NFILZ: variants seen among roughly 807,000 people sequenced by gnomAD.
The protein encoded by NFILZ is NFIL3 like protein.
chr19:8,633,222 G>A (rs1475407723), intron 2 of NFILZ, among the ~76,000 whole-genome samples: 2 of 151,784 alleles, frequency 1.3e-5, no homozygotes, highest in African/African-American at 2.4e-5. Flanking sequence ...GGGTTTTACC[G>A]TGTTGGCCAG....
chr19:8,667,533 C>A (rs2043067781), intron 3 of NFILZ, among the ~76,000 whole-genome samples: 2 of 152,078 alleles, frequency 1.3e-5, no homozygotes, highest in Admixed American at 6.6e-5. Flanking sequence ...CATATCCTCC[C>A]AAATATTTAT....
chr19:8,664,927 C>T, intron 3 of NFILZ, among the ~76,000 whole-genome samples: 1 of 152,090 alleles, frequency 6.6e-6, no homozygotes, highest in East Asian at 1.9e-4. Context: ...GGCAACCTTG[C>T]TTGGTTAGTG....
At chr19:8,630,970 A>G (rs1555745465) in intron 1 of NFILZ, among the ~76,000 whole-genome samples, 3 of 152,098 alleles carry the variant, frequency 2.0e-5, no homozygotes, top group African/African-American at 7.2e-5. Flanking sequence ...GTTGCATGGA[A>G]CTGCGGCCAA....
intron 3 of NFILZ, among the ~76,000 whole-genome samples, chr19:8,673,535 A>C (rs545608570): frequency 5.1e-4 from 78 of 152,230 alleles, no homozygotes; most frequent in African/African-American, 1.7e-3. Flanking sequence ...GGTGGTCCAG[A>C]TGTCTTTCGG....
chr19:8,634,041 A>C (rs1390432662), intron 2 of NFILZ, among the ~76,000 whole-genome samples: 1 of 148,546 alleles, frequency 6.7e-6, no homozygotes, highest in African/African-American at 2.5e-5. Context: ...TCTGTCACCC[A>C]GGCTGCAGTA....
chr19:8,674,094 C>A (rs114831913), intron 3 of NFILZ, among the ~76,000 whole-genome samples: 4,143 of 152,200 alleles, frequency 0.027, 190 homozygotes, highest in African/African-American at 0.095. Flanking sequence ...CCTGCCTCGG[C>A]CTCCAAAAGT....
chr19:8,651,610 C>A (rs2146147585), intron 3 of NFILZ, among the ~76,000 whole-genome samples: 1 of 152,268 alleles, frequency 6.6e-6, no homozygotes, highest in Non-Finnish European at 1.5e-5. Context: ...CAGCTCATTC[C>A]AGCTTTAAAT....
intron 3 of NFILZ, chr19:8,638,639 G>C (rs1459013931): frequency 1.3e-5 from 2 of 152,188 alleles, no homozygotes; most frequent in Non-Finnish European, 2.9e-5. Context: ...TAAAGATGAA[G>C]AGTTGGTCAA....
At chr19:8,656,442 C>CTCTGAAACCCACCTT (rs2043000754) in intron 3 of NFILZ, among the ~76,000 whole-genome samples, 1 of 83,302 alleles carries the variant, frequency 1.2e-5, no homozygotes, top group African/African-American at 4.9e-5. Flanking sequence ...CCCACCTTCT[C>CTCTGAAACCCACCTT]CTCGAAGCCC....
At chr19:8,662,396 G>A (rs1162294806) in intron 3 of NFILZ, among the ~76,000 whole-genome samples, 2 of 151,956 alleles carry the variant, frequency 1.3e-5, no homozygotes, top group Non-Finnish European at 2.9e-5. Context: ...ACCTAAAGGA[G>A]GTGAGGGAGG....
intron 3 of NFILZ, among the ~76,000 whole-genome samples, chr19:8,651,881 T>C (rs963543054): frequency 6.6e-6 from 1 of 152,090 alleles, no homozygotes; most frequent in African/African-American, 2.4e-5. Context: ...CTCTTCCTCC[T>C]CACTACCCTT....
chr19:8,650,637 G>T, intron 3 of NFILZ, among the ~76,000 whole-genome samples: 1 of 147,440 alleles, frequency 6.8e-6, no homozygotes, highest in Non-Finnish European at 1.5e-5. Context: ...CTGCAAGATG[G>T]AGTGAGATTC....
rs2043117050 is a variant in NFILZ, at chr19:8,677,612, G to A, written c.847G>A (p.Glu283Lys). ...RASGRVPRGW[E>K]GGQAPL ...CTCAGGCAGGGTACCTCGTGGCTGG[G>A]AGGGTGGTCAGGCGCCCCTCTGAGG... Residue 283 changes from glutamate to lysine, a missense_variant, in exon 6 of 6, where the codon GAG (glutamate) becomes AAG (lysine). By Grantham distance (56) the Glu-to-Lys change is moderately conservative. Transcript: ENST00000691075. 3 of 152,454 alleles carry A rather than the reference G, an allele frequency of 2.0e-5. No individual in the cohort carries two copies. Among genetic ancestry groups the A allele is most frequent in the African/African-American group, 7.2e-5 (3 of 41,456 alleles). The allele number at this position is 152,454 out of a possible 1,614,324, so 9.4% of individuals were successfully genotyped here. A position where few individuals can be genotyped will look rare whatever the true frequency, so the allele number is the denominator to read the frequency against.
intron 3 of NFILZ, among the ~76,000 whole-genome samples, chr19:8,657,978 G>A: frequency 6.6e-6 from 1 of 152,180 alleles, no homozygotes; most frequent in South Asian, 2.1e-4. Flanking sequence ...GCGGTCTTGG[G>A]TGGGTGCAGG....
intron 3 of NFILZ, among the ~76,000 whole-genome samples, chr19:8,667,518 C>G (rs2043067716): frequency 6.6e-6 from 1 of 152,126 alleles, no homozygotes; most frequent in African/African-American, 2.4e-5. Flanking sequence ...TGCATATAAC[C>G]TATGCATATC....
chr19:8,633,099 C>T (rs1205030923), intron 2 of NFILZ, among the ~76,000 whole-genome samples: 6 of 144,036 alleles, frequency 4.2e-5, no homozygotes, highest in African/African-American at 1.3e-4. Flanking sequence ...TGGCTTACTG[C>T]ACCCTCTGCC....
chr19:8,663,744 G>GTA (rs1555749450), intron 3 of NFILZ, among the ~76,000 whole-genome samples: 2,383 of 121,854 alleles, frequency 0.02, 85 homozygotes, highest in African/African-American at 0.059. Flanking sequence ...GTGTGTGTGT[G>GTA]TGTGTGTGTG....
chr19:8,638,920 C>T (rs1370078212), intron 3 of NFILZ, among the ~76,000 whole-genome samples: 6 of 151,238 alleles, frequency 4.0e-5, no homozygotes, highest in African/African-American at 7.3e-5. Context: ...CTTGGATCAC[C>T]GCAACCTCTG....
intron 3 of NFILZ, among the ~76,000 whole-genome samples, chr19:8,658,537 G>C (rs11085793): frequency 0.55 from 84,196 of 151,846 alleles, 23,867 homozygotes; most frequent in Non-Finnish European, 0.61. Context: ...GCCGAGAGTG[G>C]GAGGCTGCCT....
Sources: gnomAD v4.1 joint callset for allele counts (sites outside exome capture counted in the v4.1 genomes callset) on GRCh38, gnomAD v4.1.1 for gene constraint, MANE v1.5 for transcripts, NCBI Gene and HGNC (gene_info 2026-07-23, HGNC 2026-07-21) for gene names.